Variants in ACOX1 observed in about 807,000 individuals in gnomAD.
ACOX1 encodes acyl-CoA oxidase 1, also known as peroxisomal acyl-coenzyme A oxidase 1.
A neutral mutation model predicts 75.5 loss-of-function variants in ACOX1; 41 were observed. The observed-to-expected ratio is 0.54, with a 90% CI of 0.42 to 0.70. ACOX1 has a LOEUF of 0.70. Among genes scored for constraint, ACOX1 ranks in the 30% least tolerant of loss-of-function variants. The pLI, the probability that ACOX1 is intolerant of heterozygous loss-of-function variation, is 0.00. For missense variants in ACOX1, 630 were observed against 837.5 expected (o/e 0.75, Z 3.06); for synonymous variants, 303 against 298.8 (o/e 1.01, Z -0.15).
At chr17:75,967,707 CAT>C (rs1384167737) in intron 2 of ACOX1, among the ~76,000 whole-genome samples, 6 of 121,020 alleles carry the variant, frequency 5.0e-5, no homozygotes, top group African/African-American at 1.6e-4. Context: ...CATATATATA[CAT>C]ATATATATAC....
In ACOX1 at chr17:75,970,184, C is replaced by CAAAA. The variant is rs55762557; in HGVS notation, c.269+8346_269+8349dup. On this transcript the variant is annotated intron_variant, in intron 2 of 13. Transcript: ENST00000293217. ...CAGCTTGGGCAACATGAGACTCCTTCAAAAAAAAAAAAAAAAAGAGGAAGG... is the reference window on the plus strand; with the variant it reads ...CAGCTTGGGCAACATGAGACTCCTTCAAAAAAAAAAAAAAAAAAAAAGAGGAAGG... 1.5e-3 allele frequency among the ~76,000 whole-genome samples: 101 copies of CAAAA among 69,076 alleles called. 2 individuals are homozygous for CAAAA. The East Asian group carries it at 0.02, about 13-fold the overall frequency. 45.3% of individuals were successfully genotyped at this position (69,076 alleles called of 152,430 possible).
intron 2 of ACOX1, chr17:75,973,824 A>G (rs770435318): frequency 1.2e-6 from 2 of 1,611,882 alleles, no homozygotes; most frequent in Non-Finnish European, 1.7e-6. Flanking sequence ...GCCTTCCTTT[A>G]GAAACTGCAT....
intron 2 of ACOX1, among the ~76,000 whole-genome samples, chr17:75,966,504 A>AATAAAT (rs1274994598): frequency 6.7e-6 from 1 of 150,240 alleles, no homozygotes; most frequent in African/African-American, 2.4e-5. Context: ...TAAAAATAAA[A>AATAAAT]ATAGAGTAAA....
At chr17:75,976,445 G>A (rs1014081024) in intron 2 of ACOX1, among the ~76,000 whole-genome samples, 2 of 151,874 alleles carry the variant, frequency 1.3e-5, no homozygotes, top group Non-Finnish European at 1.5e-5. Flanking sequence ...TTTTCCTGAC[G>A]TTTCAAGAAG....
chr17:75,976,620 A>G (rs1197928882), intron 2 of ACOX1, among the ~76,000 whole-genome samples: 1 of 152,208 alleles, frequency 6.6e-6, no homozygotes, highest in African/African-American at 2.4e-5. Flanking sequence ...AACTACCAAA[A>G]ATAAATAAAC....
At chr17:75,956,973 A>C (rs11654098) in intron 4 of ACOX1, among the ~76,000 whole-genome samples, 103 of 8,820 alleles carry the variant, frequency 0.012, no homozygotes, top group South Asian at 0.038. Context: ...CTCTCTCTCT[A>C]TATATATATA....
chr17:75,959,724 AC>A (rs1227074689), intron 3 of ACOX1, among the ~76,000 whole-genome samples: 1 of 152,094 alleles, frequency 6.6e-6, no homozygotes, highest in Non-Finnish European at 1.5e-5. Flanking sequence ...CTACTGATTG[AC>A]TCAAAGTACA....
At chr17:75,966,415 C>T (rs2065933019) in intron 2 of ACOX1, among the ~76,000 whole-genome samples, 1 of 151,440 alleles carries the variant, frequency 6.6e-6, no homozygotes, top group African/African-American at 2.4e-5. Context: ...TGAAATCACA[C>T]CATTGCACTC....
At chr17:75,961,235 G>C (rs532029550) in intron 2 of ACOX1, among the ~76,000 whole-genome samples, 25 of 150,334 alleles carry the variant, frequency 1.7e-4, no homozygotes, top group Non-Finnish European at 2.8e-4. Context: ...AGAGGTTGCA[G>C]TGAGCTAAGA....
At position 75,942,196 on chromosome 17, in the gene ACOX1, C is replaced by T. The variant is rs1019554452; in HGVS notation, c.*4552G>A. 2 of 151,824 alleles carry T rather than the reference C, an allele frequency of 1.3e-5. No homozygotes were observed. The highest frequency in any genetic ancestry group is 2.4e-5 in the African/African-American group (1 of 41,298). The allele number at this position is 151,824 out of a possible 1,614,324, so 9.4% of individuals were successfully genotyped here. ...CTGTAATCCCAGCACTTTGGGAGGCCGAGGTGGGTGGATCACGAGGTCAGG... is the reference window on the plus strand; with the variant it reads ...CTGTAATCCCAGCACTTTGGGAGGCTGAGGTGGGTGGATCACGAGGTCAGG... On this transcript the variant is annotated 3_prime_UTR_variant, in exon 14 of 14. Coordinates refer to ENST00000293217, the MANE Select transcript of ACOX1 (RefSeq NM_004035.7).
Position 75,950,981 on chromosome 17 carries a change from A to G in ACOX1, c.1108-17T>C, listed in dbSNP as rs764797705. The G allele has an allele frequency of 4.3e-6, 7 of 1,612,852 alleles. No individual in the cohort carries two copies. The East Asian group carries it at 8.9e-5, about 21-fold the overall frequency. On this transcript the variant is annotated splice_polypyrimidine_tract_variant and intron_variant, in intron 8 of 13. Transcript: ENST00000293217. This position sits in a 1 kb window ranked among gnomAD's most constrained non-coding sequence, Gnocchi z 4.3. ...GGCATGAAGCTGAGAGGACAAGCAC[A>G]GATCTGTCAGGACATCTGTGGTGCT...
intron 7 of ACOX1, among the ~76,000 whole-genome samples, chr17:75,952,310 A>G (rs779800113): frequency 1.6e-4 from 25 of 151,764 alleles, no homozygotes; most frequent in South Asian, 4.2e-4. Flanking sequence ...TATTATTATT[A>G]TTTTTTGAGA....
rs2066087571 is a variant in ACOX1, at chr17:75,978,933, G to T, written c.109+32C>A. On this transcript the variant is annotated intron_variant, in intron 1 of 13. Coordinates refer to ENST00000293217, the MANE Select transcript of ACOX1 (RefSeq NM_004035.7). This position sits in a 1 kb window ranked among gnomAD's most constrained non-coding sequence, Gnocchi z 4.2. Reference sequence around the variant, plus strand: ...CGAGGGAGTCTCCAGCTTTTCTCGGGAAAGGAGGGAGGTCTCGCCCGCCGC... The same window carrying T: ...CGAGGGAGTCTCCAGCTTTTCTCGGTAAAGGAGGGAGGTCTCGCCCGCCGC... 6.2e-7 allele frequency: 1 copy of T among 1,607,166 alleles called. No individual in the cohort carries two copies. Among genetic ancestry groups the T allele is most frequent in the East Asian group, 2.2e-5 (1 of 44,836 alleles).
At chr17:75,948,501 TAGATAGA>T in intron 12 of ACOX1, 44 bp from the exon 13 acceptor site, 2 of 1,496,896 alleles carry the variant, frequency 1.3e-6, no homozygotes, top group Non-Finnish European at 1.8e-6. Flanking sequence ...TATATGTATA[TAGATAGA>T]CATAATTATA....
intron 4 of ACOX1, among the ~76,000 whole-genome samples, chr17:75,956,961 CTCTCTCTCTCTATATATATATA>C (rs1166064910): frequency 0.012 from 258 of 22,156 alleles, 1 homozygote; most frequent in South Asian, 0.017. Context: ...CTCTCTCTCT[CTCTCTCTCTCTATATATATATA>C]TATATATATA....
intron 4 of ACOX1, among the ~76,000 whole-genome samples, chr17:75,956,238 T>C (rs930455146): frequency 2.0e-5 from 3 of 152,178 alleles, no homozygotes; most frequent in Admixed American, 2.0e-4. Context: ...CTTAAGGCAG[T>C]GCTGTCCAAA....
In ACOX1 at chr17:75,943,028, A is replaced by C. The variant is rs1030276689; in HGVS notation, c.*3720T>G. On this transcript the variant is annotated 3_prime_UTR_variant, in exon 14 of 14. Transcript: ENST00000293217. ...AAGTGTGGGGGGAGTGGGAGTGCAG[A>C]TCACCTGGCCAACATGGTGAAACTC... 6.6e-6 allele frequency: 1 copy of C among 151,962 alleles called. No individual in the cohort carries two copies. The highest frequency in any genetic ancestry group is 1.5e-5 in the Non-Finnish European group (1 of 68,012). 9.4% of individuals were successfully genotyped at this position (151,962 alleles called of 1,614,324 possible). A position where few individuals can be genotyped will look rare whatever the true frequency, so the allele number is the denominator to read the frequency against.
At chr17:75,977,841 A>C (rs1433396386) in intron 2 of ACOX1, among the ~76,000 whole-genome samples, 2 of 152,210 alleles carry the variant, frequency 1.3e-5, no homozygotes, top group Non-Finnish European at 2.9e-5. Flanking sequence ...CAACTAAAAA[A>C]AAAAATGCTC....
chr17:75,951,090 TGAA>T, intron 8 of ACOX1, 126 bp from the exon 9 acceptor site: 1 of 1,024,958 alleles, frequency 9.8e-7, no homozygotes, highest in South Asian at 1.4e-5. Context: ...ACATGCAAAC[TGAA>T]GAAGCACAGC....
Sources: gnomAD v4.1 joint callset for allele counts (sites outside exome capture counted in the v4.1 genomes callset) on GRCh38, gnomAD v4.1.1 for gene constraint, Gnocchi (gnomAD v3.1) non-coding constraint, MANE v1.5 for transcripts, NCBI Gene and HGNC (gene_info 2026-07-23, HGNC 2026-07-21) for gene names.